The following ZNF429 variants were observed in gnomAD, a reference collection of about 807,000 sequenced individuals.
The protein encoded by ZNF429 is zinc finger protein 429.
In ZNF429, 53 loss-of-function variants were observed where a neutral mutation model predicts 56.8. The observed-to-expected ratio is 0.93, with a 90% CI of 0.75 to 1.17. ZNF429 has a LOEUF of 1.17. ZNF429 is among the 50% of genes most tolerant of loss of function. The pLI, the probability that ZNF429 is intolerant of heterozygous loss-of-function variation, is 0.00. For missense variants in ZNF429, 849 were observed against 788.4 expected (o/e 1.08, Z -0.92); for synonymous variants, 278 against 264.7 (o/e 1.05, Z -0.49).
chr19:21,537,947 C>G lies in ZNF429; in HGVS notation c.1894C>G (p.Arg632Gly). Residue 632 changes from arginine to glycine, a missense_variant, in exon 4 of 4, where the codon CGG becomes GGG. Physicochemically the swap from Arg to Gly is moderately radical, Grantham distance 125 (BLOSUM62 -2). Transcript: ENST00000358491. ...KCEECAKAFT[R>G]SSRLTQHKKI... is the part of the protein sequence containing the mutation. ...TGAAGAATGTGCCAAAGCTTTTACC[C>G]GGTCTTCAAGACTTACTCAACATAA... 1 of 1,613,848 alleles carries G rather than the reference C, an allele frequency of 6.2e-7. No individual in the cohort carries two copies. Among genetic ancestry groups the G allele is most frequent in the Admixed American group, 1.7e-5 (1 of 59,966 alleles).
rs1002720520 is a variant in ZNF429 at position 21,528,574 on chromosome 19, A to G, written c.4-1084A>G. On this transcript the variant is annotated intron_variant, in intron 1 of 3. Coordinates refer to ENST00000358491, the MANE Select transcript of ZNF429 (RefSeq NM_001001415.4). ...ACAAAAATTAGCCGGGCGTGGTGGC[A>G]GGTGCCTGTAATCCTAGCTACTGTG... is the stretch of plus-strand genomic sequence containing the variant. Among the ~76,000 whole-genome samples the G allele has an allele frequency of 3.8e-4, 57 of 151,974 alleles. 1 individual carries two copies. The highest frequency in any genetic ancestry group is 1.2e-3 in the African/African-American group (48 of 41,396).
Position 21,538,059 on chromosome 19 carries a change from A to C in ZNF429, c.2006A>C (p.Asp669Ala), listed in dbSNP as rs376921828. 4 of 1,358,550 alleles carry C rather than the reference A, an allele frequency of 2.9e-6. No individual in the cohort carries two copies. The Admixed American group carries it at 7.0e-5, about 24-fold the overall frequency. The allele number at this position is 1,358,550 out of a possible 1,614,324, so 84.2% of individuals were successfully genotyped here. A position where few individuals can be genotyped will look rare whatever the true frequency, so the allele number is the denominator to read the frequency against. Residue 669 changes from aspartate to alanine, a missense_variant, in exon 4 of 4, where the codon GAT (aspartate) becomes GCT (alanine). Asp to Ala is a moderately radical substitution (Grantham distance 126, BLOSUM62 -2). Transcript: ENST00000358491. Reference sequence around the variant, plus strand: ...GGTGGGCGGATCACGAGGTCAGGAGATCGAGACCGTCCTGGCTAACATGGT... The same window carrying C: ...GGTGGGCGGATCACGAGGTCAGGAGCTCGAGACCGTCCTGGCTAACATGGT... ...GRGGRITRSG[D>A]RDRPG
At chr19:21,522,437 T>G (rs2033016120) in intron 1 of ZNF429, among the ~76,000 whole-genome samples, 1 of 152,246 alleles carries the variant, frequency 6.6e-6, no homozygotes, top group Non-Finnish European at 1.5e-5. Flanking sequence ...TAAAAACTCT[T>G]TTGTTCTATC....
chr19:21,532,029 T>C, intron 3 of ZNF429, among the ~76,000 whole-genome samples: 5 of 111,902 alleles, frequency 4.5e-5, no homozygotes, highest in Non-Finnish European at 7.7e-5. Flanking sequence ...AAAACAATCT[T>C]ATTTACAATA....
chr19:21,506,969 T>G (rs1003319511), intron 1 of ZNF429, among the ~76,000 whole-genome samples: 2 of 152,024 alleles, frequency 1.3e-5, no homozygotes, highest in Non-Finnish European at 2.9e-5. Flanking sequence ...GGTTTCTCCG[T>G]GTTGGTCAGG....
chr19:21,536,588 G>A lies in ZNF429; in HGVS notation c.535G>A (p.Gly179Ser), dbSNP rs1244935482. Reference sequence around the variant, plus strand: ...GAAACCTTTCCAGTGTAAAAAATGTGGCAAATCATTTTGCATGCTTTCACA... The same window carrying A: ...GAAACCTTTCCAGTGTAAAAAATGTAGCAAATCATTTTGCATGCTTTCACA... ...GKKPFQCKKCGKSFCMLSQLT... is the reference protein window; with the variant it reads ...GKKPFQCKKCSKSFCMLSQLT... The change falls in exon 4 of 4, where the codon GGC becomes AGC. Residue 179 changes from glycine to serine, a missense_variant. Gly to Ser is a moderately conservative substitution (Grantham distance 56). Coordinates refer to ENST00000358491, the MANE Select transcript of ZNF429 (RefSeq NM_001001415.4). The A allele has an allele frequency of 6.2e-7, 1 of 1,613,548 alleles. No individual in the cohort carries two copies. The highest frequency in any genetic ancestry group is 8.5e-7 in the Non-Finnish European group (1 of 1,179,844).
At chr19:21,506,229 C>G (rs1033061951) in intron 1 of ZNF429, 1 of 153,190 alleles carries the variant, frequency 6.5e-6, no homozygotes, top group Non-Finnish European at 1.5e-5. Flanking sequence ...TGCTGGGAGG[C>G]GGGCAGATCA....
Position 21,539,552 on chromosome 19 carries a change from G to A in ZNF429, c.*1474G>A, listed in dbSNP as rs139035057. On this transcript the variant is annotated 3_prime_UTR_variant, in exon 4 of 4. Coordinates refer to ENST00000358491, the MANE Select transcript of ZNF429 (RefSeq NM_001001415.4). ...TTCTCCTGCCACAGCCTCCTGAGTA[G>A]CTGGGAATACAGGCATACACCAGCA... is the stretch of plus-strand genomic sequence containing the variant. Among the ~76,000 whole-genome samples the A allele has an allele frequency of 8.0e-3, 1,214 of 151,456 alleles. 26 individuals are homozygous for A. Among genetic ancestry groups the A allele is most frequent in the African/African-American group, 0.028 (1,167 of 41,330 alleles).
At chr19:21,512,027 G>A (rs2032506572) in intron 1 of ZNF429, among the ~76,000 whole-genome samples, 1 of 152,214 alleles carries the variant, frequency 6.6e-6, no homozygotes, top group South Asian at 2.1e-4. Context: ...GATGGCAGCA[G>A]TACAGTCCAG....
Position 21,535,420 on chromosome 19 carries a change from CTTT to C in ZNF429, c.227-859_227-857del. ...TTCTTTCTTTCTTTTTCTTTTCTTT[CTTT>C]CTTTCTTTCTTTCTTTCTTTCTTTC... On this transcript the variant is annotated intron_variant, in intron 3 of 3. Transcript: ENST00000358491. Among the ~76,000 whole-genome samples the C allele has an allele frequency of 5.8e-3, 37 of 6,354 alleles. 3 individuals carry two copies. The highest frequency in any genetic ancestry group is 0.026 in the South Asian group (4 of 156). The allele number at this position is 6,354 out of a possible 152,430, so 4.2% of individuals were successfully genotyped here. A position where few individuals can be genotyped will look rare whatever the true frequency, so the allele number is the denominator to read the frequency against.
intron 1 of ZNF429, among the ~76,000 whole-genome samples, chr19:21,524,689 G>T (rs1309759053): frequency 6.6e-6 from 1 of 151,988 alleles, no homozygotes; most frequent in African/African-American, 2.4e-5. Flanking sequence ...TCTTATTATT[G>T]GGCCATCAGC....
chr19:21,529,569 G>A, intron 1 of ZNF429, 89 bp from the exon 2 acceptor site: 1 of 1,285,516 alleles, frequency 7.8e-7, no homozygotes, highest in Non-Finnish European at 1.0e-6. Flanking sequence ...ATTTCACCTT[G>A]AATTAAATAA....
At chr19:21,505,861 G>A (rs906317770) in intron 1 of ZNF429, 87 bp downstream of exon 1, 55 of 1,459,426 alleles carry the variant, frequency 3.8e-5, no homozygotes, top group African/African-American at 2.7e-4. Flanking sequence ...TAGGTCTCCC[G>A]GCAGTCAGCT....
At chr19:21,508,109 A>T (rs1352042278) in intron 1 of ZNF429, among the ~76,000 whole-genome samples, 1 of 152,040 alleles carries the variant, frequency 6.6e-6, no homozygotes, top group Non-Finnish European at 1.5e-5. Context: ...AAAATTAACC[A>T]GGCGTGGTGG....
At chr19:21,522,952 T>C (rs1282928298) in intron 1 of ZNF429, among the ~76,000 whole-genome samples, 1 of 152,146 alleles carries the variant, frequency 6.6e-6, no homozygotes, top group Non-Finnish European at 1.5e-5. Flanking sequence ...TCATGTCTCT[T>C]TGTTATCTAT....
intron 1 of ZNF429, among the ~76,000 whole-genome samples, chr19:21,516,518 A>G (rs1266237997): frequency 6.6e-6 from 1 of 152,122 alleles, no homozygotes; most frequent in Non-Finnish European, 1.5e-5. Context: ...TTATTTCTGT[A>G]TATTTCTTTG....
chr19:21,533,116 G>A, intron 3 of ZNF429, among the ~76,000 whole-genome samples: 1 of 151,882 alleles, frequency 6.6e-6, no homozygotes, highest in African/African-American at 2.4e-5. Flanking sequence ...AACAGCTTTG[G>A]TGTTTTTAAA....
At position 21,510,060 on chromosome 19, in the gene ZNF429, G is replaced by C. The variant is rs561478758; in HGVS notation, c.3+4286G>C. ...AGTAGCTGGGATTACAGGTGCCCGC[G>C]ACCATGCCCGGCTGACATTTGTATT... On this transcript the variant is annotated intron_variant, in intron 1 of 3. Coordinates refer to ENST00000358491, the MANE Select transcript of ZNF429 (RefSeq NM_001001415.4). Among the ~76,000 whole-genome samples, 23 of 152,030 alleles carry C rather than the reference G, an allele frequency of 1.5e-4. 1 individual carries two copies. The highest frequency in any genetic ancestry group is 3.1e-4 in the Non-Finnish European group (21 of 67,964).
intron 3 of ZNF429, among the ~76,000 whole-genome samples, chr19:21,532,939 C>T: frequency 1.3e-5 from 2 of 152,030 alleles, no homozygotes; most frequent in Admixed American, 1.3e-4. Context: ...AGGTGATCTG[C>T]CTGCCTCGGC....
Sources: gnomAD v4.1 joint callset for allele counts (sites outside exome capture counted in the v4.1 genomes callset) on GRCh38, gnomAD v4.1.1 for gene constraint, MANE v1.5 for transcripts, NCBI Gene and HGNC (gene_info 2026-07-23, HGNC 2026-07-21) for gene names.